The following CUBN variants were observed in gnomAD, a reference collection of about 807,000 sequenced individuals.
The protein encoded by CUBN is cubilin.
A neutral mutation model predicts 405.3 loss-of-function variants in CUBN; 282 were observed. The ratio of observed to expected loss-of-function variants is 0.70; its 90% confidence interval spans 0.63 to 0.77. The LOEUF is 0.77. Ranked by LOEUF, CUBN falls within the 30% of genes least tolerant of loss-of-function variation. CUBN has a pLI of 0.00. For missense variants in CUBN, 4,514 were observed against 4,475.2 expected (o/e 1.01, Z -0.25); for synonymous variants, 1,684 against 1,617.0 (o/e 1.04, Z -0.99).
intron 65 of CUBN, 136 bp downstream of exon 65, chr10:16,831,116 T>A: frequency 1.3e-6 from 1 of 784,060 alleles, no homozygotes. Flanking sequence ...GTACTTTCAA[T>A]GTTAAAATCT....
At chr10:16,958,496 A>G (rs1477097700) in intron 31 of CUBN, among the ~76,000 whole-genome samples, 2 of 152,202 alleles carry the variant, frequency 1.3e-5, no homozygotes, top group Non-Finnish European at 2.9e-5. Context: ...ACTGCACTCC[A>G]TCATGGGTGA....
intron 22 of CUBN, among the ~76,000 whole-genome samples, chr10:17,060,331 G>A (rs748849581): frequency 5.3e-5 from 8 of 151,848 alleles, no homozygotes; most frequent in Non-Finnish European, 1.0e-4. Flanking sequence ...ATGTTGGTCA[G>A]GCTGGTCTCG....
chr10:17,096,390 A>T (rs1052062693), intron 14 of CUBN, among the ~76,000 whole-genome samples: 2 of 152,126 alleles, frequency 1.3e-5, no homozygotes, highest in African/African-American at 4.8e-5. Context: ...AAAACATTAC[A>T]TTGTACATCT....
chr10:17,119,507 A>G (rs369971232), intron 6 of CUBN, among the ~76,000 whole-genome samples: 51 of 152,294 alleles, frequency 3.3e-4, no homozygotes, highest in African/African-American at 1.2e-3. Context: ...TAAAAATACA[A>G]AAATTAGCCG....
intron 22 of CUBN, among the ~76,000 whole-genome samples, chr10:17,065,140 C>CA (rs1554816065): frequency 0.03 from 4,035 of 134,968 alleles, 298 homozygotes; most frequent in African/African-American, 0.12. Context: ...CCCCCCCCCC[C>CA]CACACACACA....
intron 17 of CUBN, among the ~76,000 whole-genome samples, chr10:17,082,379 C>T (rs1464782202): frequency 6.6e-6 from 1 of 152,224 alleles, no homozygotes; most frequent in Non-Finnish European, 1.5e-5. Context: ...GAAATTAAAA[C>T]TTCCAAAGCC....
At chr10:16,910,444 G>A (rs538491885) in intron 48 of CUBN, among the ~76,000 whole-genome samples, 1 of 152,278 alleles carries the variant, frequency 6.6e-6, no homozygotes, top group East Asian at 1.9e-4. Context: ...TAGAACTAAA[G>A]ACTCAGAAGA....
At chr10:16,972,525 C>G (rs1294131930) in intron 31 of CUBN, among the ~76,000 whole-genome samples, 1 of 151,632 alleles carries the variant, frequency 6.6e-6, no homozygotes, top group African/African-American at 2.4e-5. Context: ...GCAGCCTCGA[C>G]CTCCCATGCT....
Position 16,904,047 on chromosome 10 carries a change from G to A in CUBN, c.7981C>T (p.Pro2661Ser), listed in dbSNP as rs774245184. 1.2e-6 allele frequency: 2 copies of A among 1,613,202 alleles called. No homozygotes were observed. The highest frequency in any genetic ancestry group is 1.1e-5 in the South Asian group (1 of 91,082). The change falls in exon 51 of 67, where the codon CCT becomes TCT. Residue 2661 changes from proline to serine, a missense_variant. Coordinates refer to ENST00000377833, the MANE Select transcript of CUBN (RefSeq NM_001081.4). Reference sequence around the variant, plus strand: ...AAGTGAATCCATACCTGAGAATAAGGTATAACCAATGGCAATGTAGGCTTT... The same window carrying A: ...AAGTGAATCCATACCTGAGAATAAGATATAACCAATGGCAATGTAGGCTTT... ...PSKPTLPLVI[P>S]YSQVWIHFVT...
chr10:16,900,691 T>C lies in CUBN; in HGVS notation c.8344A>G (p.Thr2782Ala), dbSNP rs763283832. 1 of 1,614,208 alleles carries C rather than the reference T, an allele frequency of 6.2e-7. No homozygotes were observed. The highest frequency in any genetic ancestry group is 1.7e-5 in the Admixed American group (1 of 60,030). The change falls in exon 53 of 67, where the codon ACT (threonine) becomes GCT (alanine). Residue 2782 changes from threonine to alanine, a missense_variant. Physicochemically the swap from Thr to Ala is moderately conservative, Grantham distance 58 (BLOSUM62 0). This residue lies in a region of CUBN where 1,186 missense variants were observed against 1,186.9 expected (regional missense o/e 1.00). Coordinates refer to ENST00000377833, the MANE Select transcript of CUBN (RefSeq NM_001081.4). ...TGCAATGAATGGTCTGAGTTAAAAG[T>C]CACGACCAGCTGATTGGAACCTGAC... ...IQSGSNQLVV[T>A]FNSDHSLQGG...
At chr10:16,856,228 T>G (rs1451050376) in intron 59 of CUBN, among the ~76,000 whole-genome samples, 1 of 152,132 alleles carries the variant, frequency 6.6e-6, no homozygotes, top group Non-Finnish European at 1.5e-5. Flanking sequence ...TACTACACAT[T>G]TTGGGGCCAC....
intron 6 of CUBN, among the ~76,000 whole-genome samples, 155 bp from the exon 7 acceptor site, chr10:17,115,752 G>A (rs1400014763): frequency 6.6e-6 from 1 of 152,196 alleles, no homozygotes; most frequent in Admixed American, 6.5e-5. Flanking sequence ...GGAGTCTCGG[G>A]AGAAAATCAC....
chr10:17,057,571 T>C (rs959760589), intron 22 of CUBN, among the ~76,000 whole-genome samples: 2 of 152,016 alleles, frequency 1.3e-5, no homozygotes, highest in African/African-American at 2.4e-5. Flanking sequence ...ATCATTACCA[T>C]ATGAGACCCA....
intron 31 of CUBN, among the ~76,000 whole-genome samples, chr10:16,961,921 C>G (rs1042825152): frequency 4.6e-5 from 7 of 151,982 alleles, no homozygotes; most frequent in Non-Finnish European, 4.4e-5. Context: ...ACCGTGTTAG[C>G]CAGGATGGTC....
At chr10:17,090,537 A>AG (rs1205177295) in intron 14 of CUBN, among the ~76,000 whole-genome samples, 2 of 152,118 alleles carry the variant, frequency 1.3e-5, no homozygotes, top group Non-Finnish European at 2.9e-5. Flanking sequence ...TCACAACTGA[A>AG]GTGAAACTGG....
At chr10:17,083,643 C>T (rs1836025718) in intron 17 of CUBN, among the ~76,000 whole-genome samples, 1 of 152,062 alleles carries the variant, frequency 6.6e-6, no homozygotes, top group African/African-American at 2.4e-5. Context: ...AAGAAGAGGA[C>T]AGGAGGTCAC....
intron 59 of CUBN, among the ~76,000 whole-genome samples, chr10:16,861,822 C>T (rs1453272204): frequency 6.6e-6 from 1 of 152,076 alleles, no homozygotes; most frequent in African/African-American, 2.4e-5. Context: ...TTCTTTCTTG[C>T]TTCCAGTGCC....
rs1159531466 is a variant in CUBN at position 17,087,694 on chromosome 10, C to T, written c.1947+470G>A. Among the ~76,000 whole-genome samples the T allele has an allele frequency of 2.6e-5, 4 of 151,854 alleles. No individual in the cohort carries two copies. The East Asian group carries it at 7.8e-4, about 29-fold the overall frequency. On this transcript the variant is annotated intron_variant, in intron 15 of 66. Coordinates refer to ENST00000377833, the MANE Select transcript of CUBN (RefSeq NM_001081.4). ...TTTCACCATGTTGGCCAGGCTGTCT[C>T]CAACTCCTAACCTCAAGTGATCTGC...
chr10:16,864,657 C>CTTTTTT (rs58100254), intron 59 of CUBN, among the ~76,000 whole-genome samples: 2 of 121,464 alleles, frequency 1.6e-5, no homozygotes, highest in African/African-American at 5.9e-5. Flanking sequence ...TTTTTTCTTT[C>CTTTTTT]TTTTTTTTTT....
Sources: allele counts gnomAD v4.1 joint callset (sites outside exome capture counted in the v4.1 genomes callset), GRCh38; gene constraint gnomAD v4.1.1; regional missense constraint gnomAD v4.1.1; transcripts MANE v1.5; gene names NCBI Gene and HGNC (gene_info 2026-07-23, HGNC 2026-07-21).